Variants in ZNF407 observed in about 807,000 individuals in gnomAD.
The protein encoded by ZNF407 is zinc finger protein 407.
A neutral mutation model predicts 131.2 loss-of-function variants in ZNF407; 17 were observed. That is an observed-to-expected ratio of 0.13 (90% CI 0.09 to 0.19). ZNF407 has a LOEUF of 0.19. Ranked by LOEUF, ZNF407 falls within the 10% of genes least tolerant of loss-of-function variation. The pLI is 1.00. For synonymous variants in ZNF407, 1,156 were observed against 1,062.0 expected (o/e 1.09, Z -1.72); for missense variants, 2,681 against 2,830.6 (o/e 0.95, Z 1.20).
Position 74,876,903 on chromosome 18 carries a change from G to A in ZNF407, c.4878-294G>A, listed in dbSNP as rs559515767. ...ACAGCCCATGCCCTGGATAAGTGGT[G>A]TAGGCCTGTACAGGTGAAATCTATT... On this transcript the variant is annotated intron_variant, in intron 4 of 8. Coordinates refer to ENST00000299687, the MANE Select transcript of ZNF407 (RefSeq NM_017757.3). 1.6e-4 allele frequency among the ~76,000 whole-genome samples: 24 copies of A among 152,372 alleles called. 1 individual carries two copies. Among genetic ancestry groups the A allele is most frequent in the African/African-American group, 5.5e-4 (23 of 41,596 alleles).
At chr18:74,804,590 T>G (rs1307035884) in intron 4 of ZNF407, 5 of 984,966 alleles carry the variant, frequency 5.1e-6, no homozygotes, top group African/African-American at 1.7e-5. Flanking sequence ...ACTATACATC[T>G]AAGAAAACAG....
intron 8 of ZNF407, among the ~76,000 whole-genome samples, chr18:75,012,407 G>A (rs1008274994): frequency 2.0e-5 from 2 of 98,554 alleles, no homozygotes; most frequent in Admixed American, 1.0e-4. Flanking sequence ...CATAGTGTAC[G>A]TACACATAGT....
chr18:74,618,556 A>G (rs1983405557), intron 1 of ZNF407, among the ~76,000 whole-genome samples: 1 of 152,176 alleles, frequency 6.6e-6, no homozygotes. Context: ...TCAATCATAA[A>G]TGTATTTCCA....
intron 4 of ZNF407, among the ~76,000 whole-genome samples, chr18:74,801,175 T>A (rs191340186): frequency 1.3e-5 from 2 of 152,326 alleles, no homozygotes; most frequent in East Asian, 3.9e-4. Flanking sequence ...TCATCAATTA[T>A]CAACTAATTT....
intron 8 of ZNF407, among the ~76,000 whole-genome samples, chr18:74,951,184 C>CT: frequency 6.6e-6 from 1 of 152,260 alleles, no homozygotes; most frequent in East Asian, 1.9e-4. Context: ...CTGAACTTTT[C>CT]TTTTTTCTCT....
chr18:74,861,562 C>G (rs1970937792), intron 4 of ZNF407, among the ~76,000 whole-genome samples: 1 of 152,112 alleles, frequency 6.6e-6, no homozygotes, highest in African/African-American at 2.4e-5. Flanking sequence ...ACAGGAATAA[C>G]TTTATTTAGC....
chr18:74,670,652 G>T (rs772677470), intron 3 of ZNF407, among the ~76,000 whole-genome samples: 1 of 152,212 alleles, frequency 6.6e-6, no homozygotes, highest in Non-Finnish European at 1.5e-5. Context: ...TATGGTAAAA[G>T]ATGCATAACA....
chr18:74,984,437 A>C (rs1363336161), intron 8 of ZNF407, among the ~76,000 whole-genome samples: 1 of 152,240 alleles, frequency 6.6e-6, no homozygotes, highest in African/African-American at 2.4e-5. Flanking sequence ...ACAATATATG[A>C]CATATTGGTT....
At chr18:74,669,701 C>T (rs766495285) in intron 3 of ZNF407, among the ~76,000 whole-genome samples, 5 of 152,178 alleles carry the variant, frequency 3.3e-5, no homozygotes, top group Non-Finnish European at 5.9e-5. Context: ...GGCACGTGCT[C>T]ATCTCTGTGA....
intron 3 of ZNF407, among the ~76,000 whole-genome samples, chr18:74,679,316 T>C (rs1219244496): frequency 2.6e-5 from 4 of 152,220 alleles, no homozygotes; most frequent in African/African-American, 2.4e-5. Context: ...TCAGTGTTTA[T>C]ATTGTGATGT....
At chr18:74,876,961 A>G (rs1009312970) in intron 4 of ZNF407, among the ~76,000 whole-genome samples, 1 of 152,218 alleles carries the variant, frequency 6.6e-6, no homozygotes, top group East Asian at 1.9e-4. Context: ...CTGGACTGTA[A>G]CAGAATTTTT....
At chr18:74,975,958 T>C (rs1972523495) in intron 8 of ZNF407, among the ~76,000 whole-genome samples, 1 of 152,252 alleles carries the variant, frequency 6.6e-6, no homozygotes, top group African/African-American at 2.4e-5. Context: ...TTATTGTCTC[T>C]CGTTCAGCTA....
chr18:74,732,623 T>C (rs1030765550), intron 3 of ZNF407, among the ~76,000 whole-genome samples: 1 of 152,186 alleles, frequency 6.6e-6, no homozygotes, highest in Admixed American at 6.5e-5. Flanking sequence ...CAGGAAGTGA[T>C]AGTAAAATCA....
At chr18:74,768,996 A>G (rs1319834500) in intron 3 of ZNF407, among the ~76,000 whole-genome samples, 1 of 152,096 alleles carries the variant, frequency 6.6e-6, no homozygotes, top group Non-Finnish European at 1.5e-5. Context: ...AGTCATGGTC[A>G]TCGTCGTCAT....
chr18:74,877,556 G>C (rs546751427), intron 5 of ZNF407, among the ~76,000 whole-genome samples, 193 bp downstream of exon 5: 15 of 152,336 alleles, frequency 9.8e-5, no homozygotes, highest in African/African-American at 3.6e-4. Context: ...CAATTTTAAA[G>C]TGACATTTGT....
chr18:74,774,247 G>T, intron 3 of ZNF407, among the ~76,000 whole-genome samples: 1 of 152,158 alleles, frequency 6.6e-6, no homozygotes, highest in East Asian at 1.9e-4. Flanking sequence ...ATCAAAGAAT[G>T]CTAGCTAACT....
intron 8 of ZNF407, among the ~76,000 whole-genome samples, chr18:75,003,544 G>A (rs1173468315): frequency 1.3e-5 from 2 of 152,076 alleles, no homozygotes; most frequent in African/African-American, 4.8e-5. Flanking sequence ...TCCTTGTCAT[G>A]TTTCTGCATT....
intron 3 of ZNF407, among the ~76,000 whole-genome samples, chr18:74,701,302 C>T (rs1967488470): frequency 6.6e-6 from 1 of 152,130 alleles, no homozygotes; most frequent in African/African-American, 2.4e-5. Context: ...CTAGCTTGCC[C>T]CTTGGATCAG....
At chr18:74,876,060 G>T (rs1212988480) in intron 4 of ZNF407, among the ~76,000 whole-genome samples, 1 of 152,306 alleles carries the variant, frequency 6.6e-6, no homozygotes, top group Middle Eastern at 3.4e-3. Flanking sequence ...TTCTTTATCA[G>T]CCCTTATGGG....
Sources: gnomAD v4.1 joint callset for allele counts (sites outside exome capture counted in the v4.1 genomes callset) on GRCh38, gnomAD v4.1.1 for gene constraint, MANE v1.5 for transcripts, NCBI Gene and HGNC (gene_info 2026-07-23, HGNC 2026-07-21) for gene names.